Variants in TRRAP observed in about 807,000 individuals in gnomAD.
TRRAP encodes the protein transformation/transcription domain associated protein.
A neutral mutation model predicts 438.8 loss-of-function variants in TRRAP; 41 were observed. The ratio of observed to expected loss-of-function variants is 0.09; its 90% CI spans 0.07 to 0.12. The LOEUF (loss-of-function observed/expected upper bound fraction) is 0.12, where lower values mean the gene tolerates loss of function less well. Ranked by LOEUF, TRRAP falls within the 10% of genes least tolerant of loss-of-function variation. The probability of loss-of-function intolerance (pLI) is 1.00; values close to 1 mark genes in which losing one functional copy is unlikely to be tolerated. For missense variants in TRRAP, 3,122 were observed against 5,055.1 expected, an observed-to-expected ratio of 0.62 and a Z score of 11.60; for synonymous variants, 1,994 against 1,962.9, an observed-to-expected ratio of 1.02 and a Z score of -0.42.
In TRRAP at chr7:98,978,269, A is replaced by G. The variant is rs762952411; in HGVS notation, c.8444A>G (p.Asn2815Ser). 24 of 1,614,208 alleles carry G rather than the reference A, an allele frequency of 1.5e-5. 1 individual carries two copies. The South Asian group carries it at 2.1e-4, about 14-fold the overall frequency. The change falls in exon 57 of 73, where the codon AAC (asparagine) becomes AGC (serine). Residue 2815 changes from asparagine (N) to serine (S), a missense_variant. Asn to Ser is a conservative substitution (Grantham distance 46). This residue lies in a region of TRRAP where 992 missense variants were observed against 1,281.2 expected (regional missense o/e 0.77). Coordinates refer to ENST00000456197, the MANE Select transcript of TRRAP (RefSeq NM_001375524.1). ...DKAKKEHERS[N>S]ASPAIFPEYQ... ...GCCAAAAAAGAACATGAGAGGAGTA[A>G]CGCCTCCCCTGCTATTTTCCCTGAA...
At chr7:98,957,759 C>T (rs1048144144) in intron 43 of TRRAP, among the ~76,000 whole-genome samples, 1 of 152,202 alleles carries the variant, frequency 6.6e-6, no homozygotes, top group Non-Finnish European at 1.5e-5. Flanking sequence ...TTTTGTTCCC[C>T]ATCACATGAG....
At chr7:98,979,911 C>G (rs187586359) in intron 58 of TRRAP, among the ~76,000 whole-genome samples, 22 of 152,192 alleles carry the variant, frequency 1.4e-4, no homozygotes, top group African/African-American at 4.6e-4. Flanking sequence ...AGGGTAGTTT[C>G]TTGGTTTCAT....
At chr7:98,942,600 C>T (rs1790845495) in intron 30 of TRRAP, among the ~76,000 whole-genome samples, 1 of 152,208 alleles carries the variant, frequency 6.6e-6, no homozygotes, top group Non-Finnish European at 1.5e-5. Context: ...GGGATGATGT[C>T]GGCCGTTCAT....
At chr7:98,947,899 T>G (rs1053883853) in intron 33 of TRRAP, among the ~76,000 whole-genome samples, 1 of 152,180 alleles carries the variant, frequency 6.6e-6, no homozygotes, top group Admixed American at 6.5e-5. Flanking sequence ...AGGGGACTAT[T>G]ATGGCAGCCT....
rs368724414 is a variant in TRRAP at position 98,942,641 on chromosome 7, G to A, written c.4405-308G>A. On this transcript the variant is annotated intron_variant, in intron 30 of 72. Transcript: ENST00000456197. The stretch of plus-strand genomic sequence containing the variant: ...TACTGTGACACCCAGTGTGGGAGCC[G>A]ACACTTCCAAGCACTCAGTGAACAG... Among the ~76,000 whole-genome samples the A allele has an allele frequency of 2.6e-4, 40 of 152,290 alleles. No individual in the cohort carries two copies. In the South Asian group the frequency reaches 7.9e-3, roughly 30 times the overall value.
intron 1 of TRRAP, 137 bp from the exon 2 acceptor site, chr7:98,880,949 TAAAA>T: frequency 2.4e-6 from 1 of 411,412 alleles, no homozygotes. Flanking sequence ...AACTTCATAT[TAAAA>T]AAACCAGAAG....
At position 98,908,604 on chromosome 7, in the gene TRRAP, TG is replaced by T; in HGVS notation, c.1116-121del. The T allele has an allele frequency of 2.7e-6, 2 of 745,754 alleles. No individual in the cohort carries two copies. 46.2% of individuals were successfully genotyped at this position (745,754 alleles called of 1,614,324 possible). On this transcript the variant is annotated intron_variant, in intron 13 of 72. Transcript: ENST00000456197. This position sits in a 1 kb window ranked among gnomAD's most constrained non-coding sequence, Gnocchi z 4.1. Reference sequence around the variant, plus strand: ...CTGGGAGAGAGTAATGTGGTGAAAATGGGCCATGTAAGTGTGCCGACCCAGG... The same window carrying T: ...CTGGGAGAGAGTAATGTGGTGAAAATGGCCATGTAAGTGTGCCGACCCAGG...
intron 44 of TRRAP, 123 bp downstream of exon 44, chr7:98,958,214 T>C: frequency 1.3e-6 from 1 of 797,870 alleles, no homozygotes; most frequent in South Asian, 1.9e-5. Context: ...GTCTGCCAGC[T>C]GGTTCTGTCA....
In TRRAP at chr7:98,892,466, A is replaced by G. The variant is rs782507179; in HGVS notation, c.304A>G (p.Thr102Ala). 1.2e-6 allele frequency: 2 copies of G among 1,612,088 alleles called. No individual in the cohort carries two copies. Among genetic ancestry groups the G allele is most frequent in the East Asian group, 2.2e-5 (1 of 44,876 alleles). Residue 102 changes from threonine (T) to alanine (A), a missense_variant, in exon 5 of 73, where the codon ACC (threonine) becomes GCC (alanine). Thr to Ala is a moderately conservative substitution (Grantham distance 58). Coordinates refer to ENST00000456197, the MANE Select transcript of TRRAP (RefSeq NM_001375524.1). ...LVLEIIHRIP[T>A]NEHLRPHTKN... is the part of the protein sequence containing the mutation. ...ACTTGAAATAATTCATAGAATACCA[A>G]CCAACGAACATCTTCGTCCTCACAC...
chr7:98,982,978 T>A (rs1337459387), intron 59 of TRRAP, among the ~76,000 whole-genome samples: 1 of 151,988 alleles, frequency 6.6e-6, no homozygotes, highest in African/African-American at 2.4e-5. Context: ...GGACTGCCCA[T>A]TAGCTAGGTT....
At chr7:98,888,797 G>T (rs1795831984) in intron 3 of TRRAP, among the ~76,000 whole-genome samples, 1 of 152,070 alleles carries the variant, frequency 6.6e-6, no homozygotes, top group Non-Finnish European at 1.5e-5. Context: ...TGTTCCCTTA[G>T]TTGTTGGCAT....
chr7:98,925,315 T>TG, intron 22 of TRRAP, 52 bp downstream of exon 22: 1 of 1,592,986 alleles, frequency 6.3e-7, no homozygotes, highest in East Asian at 2.2e-5. Flanking sequence ...TTTTAGGAAT[T>TG]GGGGCTGCAG....
At chr7:98,921,639 G>A (rs1231968754) in intron 20 of TRRAP, 114 bp from the exon 21 acceptor site, 1 of 1,415,232 alleles carries the variant, frequency 7.1e-7, no homozygotes, top group Non-Finnish European at 9.7e-7. Flanking sequence ...GCCTCCCAAA[G>A]TTCTGGGATT....
intron 12 of TRRAP, among the ~76,000 whole-genome samples, chr7:98,904,400 G>A (rs782060200): frequency 6.7e-6 from 1 of 148,392 alleles, no homozygotes; most frequent in African/African-American, 2.5e-5. Flanking sequence ...GGAGAATGGT[G>A]TGAACCCAGG....
intron 50 of TRRAP, 84 bp from the exon 51 acceptor site, chr7:98,967,401 C>T: frequency 6.8e-7 from 1 of 1,480,774 alleles, no homozygotes; most frequent in Non-Finnish European, 9.3e-7. Flanking sequence ...TCAGCAAGTT[C>T]ACATCCACGT....
chr7:98,907,705 T>G (rs1380287887), intron 13 of TRRAP, among the ~76,000 whole-genome samples: 1 of 152,220 alleles, frequency 6.6e-6, no homozygotes, highest in Non-Finnish European at 1.5e-5. Flanking sequence ...ACATCTTGTG[T>G]TGGTCCTTCC....
Position 99,011,621 on chromosome 7 carries a change from T to G in TRRAP, c.11337+86T>G, listed in dbSNP as rs1213098033. 9.5e-6 allele frequency: 14 copies of G among 1,475,532 alleles called. No homozygotes were observed. In the East Asian group the frequency reaches 3.2e-4, roughly 34 times the overall value. 91.4% of individuals were successfully genotyped at this position (1,475,532 alleles called of 1,614,324 possible). A position where few individuals can be genotyped will look rare whatever the true frequency, so the allele number is the denominator to read the frequency against. ...CACGGCCTTGCAGGAGCTGCTGATG[T>G]GCCTCACGGGCTCTGCGCTCTCCAC... On this transcript the variant is annotated intron_variant, in intron 72 of 72. Coordinates refer to ENST00000456197, the MANE Select transcript of TRRAP (RefSeq NM_001375524.1). This position sits in a 1 kb window ranked among gnomAD's most constrained non-coding sequence, Gnocchi z 7.1.
chr7:98,930,596 C>T (rs1790284831), intron 24 of TRRAP, 37 bp from the exon 25 acceptor site: 1 of 1,607,514 alleles, frequency 6.2e-7, no homozygotes, highest in South Asian at 1.1e-5. Context: ...ACAAGAATTG[C>T]AGTAACGTGT....
intron 30 of TRRAP, among the ~76,000 whole-genome samples, chr7:98,940,237 G>A (rs1790738438): frequency 6.6e-6 from 1 of 151,908 alleles, no homozygotes; most frequent in South Asian, 2.1e-4. Context: ...CACCCAGACT[G>A]GAGTACAGTG....
Sources: allele counts gnomAD v4.1 joint callset (sites outside exome capture counted in the v4.1 genomes callset), GRCh38; gene constraint gnomAD v4.1.1; regional missense constraint gnomAD v4.1.1; non-coding constraint Gnocchi (gnomAD v3.1); transcripts MANE v1.5; gene names NCBI Gene and HGNC (gene_info 2026-07-23, HGNC 2026-07-21).